Variants in MT4 observed in about 807,000 individuals in gnomAD.
MT4 encodes the protein metallothionein-4.
In MT4, 11 loss-of-function variants were observed where a neutral mutation model predicts 9.5. The observed-to-expected ratio is 1.16, with a 90% CI of 0.73 to 1.92. The LOEUF is 1.92. Among genes scored for constraint, MT4 ranks in the 30% most tolerant of loss-of-function variants. The pLI, the probability that MT4 is intolerant of heterozygous loss-of-function variation, is 0.00. For synonymous variants in MT4, 29 were observed against 24.6 expected (o/e 1.18, Z -0.53); for missense variants, 88 against 78.7 (o/e 1.12, Z -0.45).
chr16:56,566,793 A>G lies in MT4; in HGVS notation c.32-958A>G, dbSNP rs1334878369. Among the ~76,000 whole-genome samples, 206 of 38,388 alleles carry G rather than the reference A, an allele frequency of 5.4e-3. 4 individuals carry two copies. The highest frequency in any genetic ancestry group is 0.011 in the African/African-American group (180 of 15,916). The allele number at this position is 38,388 out of a possible 152,430, so 25.2% of individuals were successfully genotyped here. On this transcript the variant is annotated intron_variant, in intron 1 of 2. Transcript: ENST00000219162. ...AGGAAAGAAAGAAAGAAAGAAAGAAAGAAAGAAAGAAAGAAAGAAAGAAAG... is the reference window on the plus strand; with the variant it reads ...AGGAAAGAAAGAAAGAAAGAAAGAAGGAAAGAAAGAAAGAAAGAAAGAAAG...
chr16:56,565,277 G>A (rs775484145), intron 1 of MT4, 118 bp downstream of exon 1: 36 of 1,137,832 alleles, frequency 3.2e-5, no homozygotes, highest in Admixed American at 8.9e-5. Flanking sequence ...AATGGGGTTC[G>A]TCCTGGGAGC....
intron 1 of MT4, among the ~76,000 whole-genome samples, chr16:56,566,794 GAAA>G (rs1959534333): frequency 2.2e-5 from 1 of 45,230 alleles, no homozygotes; most frequent in African/African-American, 6.3e-5. Flanking sequence ...AAGAAAGAAA[GAAA>G]GAAAGAAAGA....
intron 1 of MT4, among the ~76,000 whole-genome samples, chr16:56,566,163 G>C (rs1186627382): frequency 3.9e-5 from 6 of 152,134 alleles, no homozygotes. Context: ...TTGCAAAAGA[G>C]GCAGAAGCTT....
At chr16:56,566,858 ATGAGGGAGAGAGGAAGGAAG>A (rs1959543508) in intron 1 of MT4, among the ~76,000 whole-genome samples, 1 of 147,698 alleles carries the variant, frequency 6.8e-6, no homozygotes, top group Admixed American at 6.7e-5. Flanking sequence ...AAAGAAAGAA[ATGAGGGAGAGAGGAAGGAAG>A]GAAGAAAGGA....
intron 1 of MT4, among the ~76,000 whole-genome samples, chr16:56,567,088 A>C (rs1959545875): frequency 6.6e-6 from 1 of 151,454 alleles, no homozygotes; most frequent in Non-Finnish European, 1.5e-5. Flanking sequence ...CAGAGGTGTG[A>C]TCTCGGCTCA....
intron 1 of MT4, among the ~76,000 whole-genome samples, chr16:56,567,177 C>G (rs1004784786): frequency 6.6e-6 from 1 of 151,744 alleles, no homozygotes. Context: ...GTGTGTGCCA[C>G]CACGCCTGGC....
chr16:56,565,826 G>T (rs1959510986), intron 1 of MT4, among the ~76,000 whole-genome samples: 1 of 152,308 alleles, frequency 6.6e-6, no homozygotes, highest in Admixed American at 6.5e-5. Flanking sequence ...AGCACTTTGA[G>T]GCTGAGGCAG....
Position 56,567,808 on chromosome 16 carries a change from A to G in MT4, c.89A>G (p.Tyr30Cys), listed in dbSNP as rs666636. The G allele has an allele frequency of 0.96, 1,540,925 of 1,612,280 alleles. 738,854 individuals are homozygous for G. The highest frequency in any genetic ancestry group is 0.98 in the Non-Finnish European group (1,149,567 of 1,178,924). ...CKCTTCNCKTYWKSCCPCCPP... is the reference protein window; with the variant it reads ...CKCTTCNCKTCWKSCCPCCPP... ...TGCACAACCTGCAACTGTAAAACAT[A>G]TTGGAAGAGTGAGTATGGTGACTGG... Residue 30 changes from tyrosine to cysteine, a missense_variant, in exon 2 of 3, where the codon TAT (tyrosine) becomes TGT (cysteine). Physicochemically the swap from Tyr to Cys is radical, Grantham distance 194. Coordinates refer to ENST00000219162, the MANE Select transcript of MT4 (RefSeq NM_032935.3).
chr16:56,568,257 A>AAGAGAG (rs200348412), intron 2 of MT4, among the ~76,000 whole-genome samples: 3 of 83,288 alleles, frequency 3.6e-5, no homozygotes, highest in Admixed American at 1.2e-4. Context: ...GAAAGAAAGA[A>AAGAGAG]AGAGAGAGAG....
intron 1 of MT4, among the ~76,000 whole-genome samples, chr16:56,566,206 A>G (rs751481834): frequency 6.6e-6 from 1 of 152,164 alleles, no homozygotes; most frequent in Non-Finnish European, 1.5e-5. Flanking sequence ...GAAAAATGGG[A>G]TAATTTTTTT....
intron 2 of MT4, among the ~76,000 whole-genome samples, 195 bp downstream of exon 2, chr16:56,568,011 G>A (rs1959559075): frequency 6.6e-6 from 1 of 151,566 alleles, no homozygotes; most frequent in Non-Finnish European, 1.5e-5. Flanking sequence ...TAATTAGCTG[G>A]GCATGGTGGT....
Position 56,568,824 on chromosome 16 carries a change from T to A in MT4, c.98-17T>A, listed in dbSNP as rs1959586902. ...TGTTGACCCACAGCGGATCTGCGCATCTCCTGACTCTTTCAGGCTGCTGTC... is the reference window on the plus strand; with the variant it reads ...TGTTGACCCACAGCGGATCTGCGCAACTCCTGACTCTTTCAGGCTGCTGTC... On this transcript the variant is annotated splice_polypyrimidine_tract_variant and intron_variant, in intron 2 of 2. Coordinates refer to ENST00000219162, the MANE Select transcript of MT4 (RefSeq NM_032935.3). 6.4e-7 allele frequency: 1 copy of A among 1,566,660 alleles called. No individual in the cohort carries two copies. The highest frequency in any genetic ancestry group is 8.7e-7 in the Non-Finnish European group (1 of 1,154,398).
intron 2 of MT4, among the ~76,000 whole-genome samples, chr16:56,568,557 G>A (rs1290046060): frequency 1.3e-5 from 2 of 152,090 alleles, no homozygotes; most frequent in African/African-American, 2.4e-5. Flanking sequence ...ATAGAGCACT[G>A]GCCTGGAGTC....
intron 2 of MT4, among the ~76,000 whole-genome samples, chr16:56,568,323 A>G: frequency 1.3e-5 from 2 of 149,564 alleles, no homozygotes; most frequent in East Asian, 2.0e-4. Flanking sequence ...GAAAGAAAGA[A>G]AGAAAGAAAG....
intron 1 of MT4, among the ~76,000 whole-genome samples, chr16:56,567,002 A>G (rs988205003): frequency 6.6e-6 from 1 of 151,980 alleles, no homozygotes; most frequent in African/African-American, 2.4e-5. Flanking sequence ...TGTGAAGGTG[A>G]CACGGGTGTG....
At chr16:56,565,391 G>A (rs570872475) in intron 1 of MT4, among the ~76,000 whole-genome samples, 1 of 152,342 alleles carries the variant, frequency 6.6e-6, no homozygotes, top group Admixed American at 6.5e-5. Flanking sequence ...CTGAGAGGGG[G>A]ACTTGCAAAC....
In MT4 at chr16:56,565,108, A is replaced by C. The variant is rs1368718759; in HGVS notation, c.-21A>C. 3.1e-6 allele frequency: 5 copies of C among 1,612,950 alleles called. No homozygotes were observed. The highest frequency in any genetic ancestry group is 4.2e-6 in the Non-Finnish European group (5 of 1,179,512). On this transcript the variant is annotated 5_prime_UTR_variant, in exon 1 of 3. Transcript: ENST00000219162. ...CCTTCCCCAGCCGTGACAGCACTGG[A>C]GCCTTTCGGACACCTGGACCATGGA...
At chr16:56,566,500 C>T (rs952443359) in intron 1 of MT4, among the ~76,000 whole-genome samples, 1 of 148,194 alleles carries the variant, frequency 6.7e-6, no homozygotes, top group Middle Eastern at 3.2e-3. Context: ...GGGCAAGACC[C>T]TGTCAAAAGA....
chr16:56,565,884 C>T (rs548270070), intron 1 of MT4, among the ~76,000 whole-genome samples: 19 of 151,694 alleles, frequency 1.3e-4, no homozygotes, highest in Admixed American at 3.3e-4. Flanking sequence ...GGCAACATAG[C>T]GAGACTCCAT....
Sources: allele counts gnomAD v4.1 joint callset (sites outside exome capture counted in the v4.1 genomes callset), GRCh38; gene constraint gnomAD v4.1.1; transcripts MANE v1.5; gene names NCBI Gene and HGNC (gene_info 2026-07-23, HGNC 2026-07-21).